MGST1: variants seen among roughly 807,000 people sequenced by gnomAD.
MGST1 encodes microsomal glutathione S-transferase 1.
A neutral mutation model predicts 8.9 loss-of-function variants in MGST1; 5 were observed. That is an observed-to-expected ratio of 0.56 (90% CI 0.29 to 1.19). The LOEUF (loss-of-function observed/expected upper bound fraction) is 1.19. Among genes scored for constraint, MGST1 ranks in the 50% most tolerant of loss-of-function variants. The pLI, the probability that MGST1 is intolerant of heterozygous loss-of-function variation, is 0.08. For missense variants in MGST1, 182 were observed against 187.4 expected (o/e 0.97, Z 0.17); for synonymous variants, 54 against 67.8 (o/e 0.80, Z 1.00).
chr12:16,583,308 CT>C (rs577230705), intron 4 of MGST1, among the ~76,000 whole-genome samples: 2 of 151,466 alleles, frequency 1.3e-5, no homozygotes, highest in Middle Eastern at 3.4e-3. Flanking sequence ...ACAGACTGTT[CT>C]TTTTTTTTAA....
chr12:16,375,091 G>C (rs1940358003), intron 3 of MGST1, among the ~76,000 whole-genome samples: 2 of 152,266 alleles, frequency 1.3e-5, no homozygotes, highest in South Asian at 4.1e-4. Context: ...ATGTTACCCA[G>C]TCTGGTCTCA....
At chr12:16,504,607 T>C (rs1396921177) in intron 4 of MGST1, among the ~76,000 whole-genome samples, 1 of 152,162 alleles carries the variant, frequency 6.6e-6, no homozygotes, top group Non-Finnish European at 1.5e-5. Flanking sequence ...AATGGGGAGA[T>C]TAGAATGTGG....
intron 4 of MGST1, among the ~76,000 whole-genome samples, chr12:16,540,143 A>G (rs956274696): frequency 6.6e-6 from 1 of 152,200 alleles, no homozygotes; most frequent in Admixed American, 6.5e-5. Flanking sequence ...ATCAATTTGC[A>G]ATGGAGCTGT....
chr12:16,542,273 A>C (rs1218761392), intron 4 of MGST1, among the ~76,000 whole-genome samples: 2 of 152,240 alleles, frequency 1.3e-5, no homozygotes, highest in Admixed American at 6.5e-5. Flanking sequence ...ACACTGGTCC[A>C]TATGCTGTTA....
chr12:16,429,396 C>T (rs10772937), intron 1 of MGST1, among the ~76,000 whole-genome samples: 96,452 of 151,820 alleles, frequency 0.64, 30,850 homozygotes, highest in East Asian at 0.81. Flanking sequence ...TTTCCTTTTT[C>T]GTTTATCTTC....
rs1375330675 is a variant in MGST1 at position 16,576,372 on chromosome 12, C to T, written n.483-13156C>T. On this transcript the variant is annotated intron_variant and non_coding_transcript_variant, in intron 4 of 4. Transcript: ENST00000538857. The surrounding 1 kb of genome is among the most constrained non-coding windows in gnomAD (Gnocchi z 4.1). Reference sequence around the variant, plus strand: ...CCTGGACTCAGCATCTACTTTCACACCTGATGTCCTACCACTCCTGCCTGC... The same window carrying T: ...CCTGGACTCAGCATCTACTTTCACATCTGATGTCCTACCACTCCTGCCTGC... 6.6e-6 allele frequency among the ~76,000 whole-genome samples: 1 copy of T among 152,194 alleles called. No homozygotes were observed. Among genetic ancestry groups the T allele is most frequent in the Non-Finnish European group, 1.5e-5 (1 of 68,028 alleles).
rs183501062 is a variant in MGST1 at position 16,511,254 on chromosome 12, T to C, written n.483-78274T>C. Among the ~76,000 whole-genome samples the C allele has an allele frequency of 2.0e-3, 300 of 152,332 alleles. 1 individual carries two copies. The highest frequency in any genetic ancestry group is 6.4e-3 in the African/African-American group (265 of 41,586). ...TAATTAACTGCCAGCAGCAAAGTTA[T>C]ATATATATTCCATGGCCTTGAATTT... On this transcript the variant is annotated intron_variant and non_coding_transcript_variant, in intron 4 of 4. Transcript: ENST00000538857.
rs1043674403 is a variant in MGST1, at chr12:16,389,802, T to G, written n.778+6198T>G. On this transcript the variant is annotated intron_variant and non_coding_transcript_variant, in intron 1 of 1. Transcript: ENST00000359720. This position sits in a 1 kb window ranked among gnomAD's most constrained non-coding sequence, Gnocchi z 4.6. ...TGCAGAGGTGGCTGGGAGTGAGGCA[T>G]GAGATCTCTCGGTAGAGGCAAAATA... 6.6e-6 allele frequency among the ~76,000 whole-genome samples: 1 copy of G among 152,102 alleles called. No individual in the cohort carries two copies. Among genetic ancestry groups the G allele is most frequent in the African/African-American group, 2.4e-5 (1 of 41,408 alleles).
chr12:16,545,373 A>T (rs1287764492), intron 4 of MGST1, among the ~76,000 whole-genome samples: 2 of 152,110 alleles, frequency 1.3e-5, no homozygotes, highest in Non-Finnish European at 2.9e-5. Flanking sequence ...TAACACTTAA[A>T]GAGGACTGGT....
In MGST1 at chr12:16,383,195, A is replaced by C. The variant is rs141034585; in HGVS notation, n.369A>C. Reference sequence around the variant, plus strand: ...CACTCCCCAGCGAGATGAACCTGGTACCTCAGTTGGAAATGCAGAAATCAC... The same window carrying C: ...CACTCCCCAGCGAGATGAACCTGGTCCCTCAGTTGGAAATGCAGAAATCAC... On this transcript the variant is annotated non_coding_transcript_exon_variant, in exon 1 of 2. Coordinates refer to the MGST1 transcript ENST00000359720. 4.7e-3 allele frequency: 716 copies of C among 153,110 alleles called. 10 individuals carry two copies. The highest frequency in any genetic ancestry group is 0.016 in the African/African-American group (686 of 41,592). The allele number at this position is 153,110 out of a possible 1,614,324, so 9.5% of individuals were successfully genotyped here. A position where few individuals can be genotyped will look rare whatever the true frequency, so the allele number is the denominator to read the frequency against.
rs185247990 is a variant in MGST1 at position 16,350,211 on chromosome 12, T to A, written c.-23+2501T>A. On this transcript the variant is annotated intron_variant, in intron 1 of 3. Coordinates refer to ENST00000396210, the MANE Select transcript of MGST1 (RefSeq NM_020300.5). The stretch of plus-strand genomic sequence containing the variant: ...CGAATGCCAATCTAGTTCCAGAGTT[T>A]TGAATACTTGACACTCTACCCCATG... 1.3e-3 allele frequency among the ~76,000 whole-genome samples: 198 copies of A among 152,252 alleles called. 1 individual carries two copies. Among genetic ancestry groups the A allele is most frequent in the Admixed American group, 4.2e-3 (64 of 15,294 alleles).
chr12:16,442,122 TTGTC>T (rs1156512497), downstream of MGST1, among the ~76,000 whole-genome samples: 3 of 151,916 alleles, frequency 2.0e-5, no homozygotes, highest in African/African-American at 7.2e-5. This position sits in a 1 kb window ranked among gnomAD's most constrained non-coding sequence, Gnocchi z 4.5. Context: ...CCTTGGTAAG[TTGTC>T]TGTTCCGATC....
chr12:16,549,747 A>G (rs769388433), intron 4 of MGST1: 19 of 152,124 alleles, frequency 1.2e-4, no homozygotes, highest in Non-Finnish European at 2.5e-4. Context: ...ACAGGGAGCA[A>G]AAGCAAAGAA....
rs749748207 is a variant in MGST1 at position 16,589,384 on chromosome 12, T to C, written n.483-144T>C. 6.6e-6 allele frequency: 1 copy of C among 152,126 alleles called. No individual in the cohort carries two copies. Among genetic ancestry groups the C allele is most frequent in the Non-Finnish European group, 1.5e-5 (1 of 68,014 alleles). 9.4% of individuals were successfully genotyped at this position (152,126 alleles called of 1,614,324 possible). A position where few individuals can be genotyped will look rare whatever the true frequency, so the allele number is the denominator to read the frequency against. ...ACTGTACATATTACTATGAGTGCAG[T>C]ATAAGCTTGTGGCTTTACTTTTACT... On this transcript the variant is annotated intron_variant and non_coding_transcript_variant, in intron 4 of 4. Transcript: ENST00000538857. The surrounding 1 kb of genome is among the most constrained non-coding windows in gnomAD (Gnocchi z 4.2).
intron 4 of MGST1, among the ~76,000 whole-genome samples, chr12:16,488,394 C>G (rs1941414163): frequency 6.6e-6 from 1 of 152,124 alleles, no homozygotes; most frequent in Admixed American, 6.5e-5. Flanking sequence ...CAGTGATCTT[C>G]AATTCCTCAG....
chr12:16,493,638 C>G (rs1042165256), intron 4 of MGST1, among the ~76,000 whole-genome samples: 3 of 152,120 alleles, frequency 2.0e-5, no homozygotes, highest in Admixed American at 1.3e-4. Context: ...AGTGTTCTTA[C>G]TTGACCATAT....
chr12:16,418,841 C>T (rs2137081858), intron 1 of MGST1, among the ~76,000 whole-genome samples: 1 of 152,208 alleles, frequency 6.6e-6, no homozygotes, highest in South Asian at 2.1e-4. Flanking sequence ...GCTCAAGAAA[C>T]ACTAGTGACA....
intron 4 of MGST1, among the ~76,000 whole-genome samples, chr12:16,485,084 T>A (rs1941390813): frequency 6.6e-6 from 1 of 152,230 alleles, no homozygotes; most frequent in Admixed American, 6.5e-5. Flanking sequence ...ATTATTGTAT[T>A]CCCTCAGCTG....
intron 1 of MGST1, among the ~76,000 whole-genome samples, chr12:16,405,592 A>T (rs1421771157): frequency 6.6e-6 from 1 of 152,114 alleles, no homozygotes; most frequent in African/African-American, 2.4e-5. Context: ...TGATACCAAA[A>T]CCTGGCAGAA....
Sources: allele counts gnomAD v4.1 joint callset (sites outside exome capture counted in the v4.1 genomes callset), GRCh38; gene constraint gnomAD v4.1.1; non-coding constraint Gnocchi (gnomAD v3.1); transcripts MANE v1.5; gene names NCBI Gene and HGNC (gene_info 2026-07-23, HGNC 2026-07-21).